The following TRPM6 variants were observed in gnomAD, a reference collection of about 807,000 sequenced individuals.
The protein encoded by TRPM6 is transient receptor potential cation channel subfamily M member 6, also known as channel kinase 2.
TRPM6 carries 111 observed loss-of-function variants against 247.6 expected under a neutral mutation model. The ratio of observed to expected loss-of-function variants is 0.45; its 90% CI spans 0.38 to 0.52. The LOEUF (loss-of-function observed/expected upper bound fraction) is 0.52. Among genes scored for constraint, TRPM6 ranks in the 20% least tolerant of loss-of-function variants. TRPM6 has a pLI of 0.00. For missense variants in TRPM6, 2,126 were observed against 2,421.5 expected, an observed-to-expected ratio of 0.88 and a Z score of 2.56; for synonymous variants, 892 against 853.8, an observed-to-expected ratio of 1.04 and a Z score of -0.78.
At chr9:74,753,610 C>T (rs368758666) in intron 28 of TRPM6, among the ~76,000 whole-genome samples, 3 of 152,148 alleles carry the variant, frequency 2.0e-5, no homozygotes, top group East Asian at 1.9e-4. Context: ...GTGGAAGGAT[C>T]GCTTGAGCCC....
At chr9:74,809,375 G>A (rs899765054) in intron 13 of TRPM6, among the ~76,000 whole-genome samples, 2 of 152,172 alleles carry the variant, frequency 1.3e-5, no homozygotes, top group African/African-American at 4.8e-5. Flanking sequence ...CACACAGAGT[G>A]TTGAACAAGG....
In TRPM6 at chr9:74,855,533, A is replaced by G. The variant is rs753591606; in HGVS notation, c.146T>C (p.Leu49Ser). The part of the protein sequence containing the change: ...CTPVCQVCQN[L>S]IRCYCGRLIG... ...TTGCTTATCTAAGTCTTACCTGATT[A>G]AATTCTGGCAGACTTGGCATACTGG... The change falls in exon 3 of 39, where the codon TTA (leucine) becomes TCA (serine). Residue 49 changes from leucine to serine, a missense_variant. This residue lies in a region of TRPM6 where 1,082 missense variants were observed against 1,307.9 expected (regional missense o/e 0.83). Coordinates refer to ENST00000360774, the MANE Select transcript of TRPM6 (RefSeq NM_017662.5). 53 of 1,608,076 alleles carry G rather than the reference A, an allele frequency of 3.3e-5. No individual in the cohort carries two copies. The South Asian group carries it at 4.5e-4, about 14-fold the overall frequency.
At chr9:74,770,693 C>A (rs1346430889) in intron 25 of TRPM6, among the ~76,000 whole-genome samples, 1 of 152,156 alleles carries the variant, frequency 6.6e-6, no homozygotes, top group Admixed American at 6.5e-5. Flanking sequence ...CTGTCCCGTT[C>A]CCCTGCTTCG....
chr9:74,824,931 AG>A (rs1829276460), intron 7 of TRPM6, among the ~76,000 whole-genome samples: 1 of 152,032 alleles, frequency 6.6e-6, no homozygotes, highest in South Asian at 2.1e-4. Context: ...GGTTTGCCAG[AG>A]TCACCAAGAA....
intron 1 of TRPM6, among the ~76,000 whole-genome samples, chr9:74,881,131 C>T (rs1000031399): frequency 6.6e-5 from 10 of 151,316 alleles, no homozygotes; most frequent in Admixed American, 6.0e-4. Flanking sequence ...CCCATCTCTA[C>T]AAAAAAATTT....
chr9:74,856,178 C>T (rs974215024), intron 2 of TRPM6, among the ~76,000 whole-genome samples: 40 of 152,076 alleles, frequency 2.6e-4, no homozygotes, highest in African/African-American at 8.9e-4. Flanking sequence ...GTGGCTTATG[C>T]CTGTAATCCC....
chr9:74,823,007 A>G (rs1829186649), intron 7 of TRPM6, among the ~76,000 whole-genome samples: 1 of 152,220 alleles, frequency 6.6e-6, no homozygotes, highest in African/African-American at 2.4e-5. Flanking sequence ...GACCTTGTCT[A>G]TTTATTCTGT....
At chr9:74,858,830 A>T in intron 1 of TRPM6, 82 bp from the exon 2 acceptor site, 1 of 1,115,386 alleles carries the variant, frequency 9.0e-7, no homozygotes, top group Non-Finnish European at 1.3e-6. Flanking sequence ...GGTAAGAAAT[A>T]CTCAAGTATC....
At chr9:74,733,444 T>C (rs1197641254) in intron 36 of TRPM6, among the ~76,000 whole-genome samples, 1 of 152,222 alleles carries the variant, frequency 6.6e-6, no homozygotes, top group African/African-American at 2.4e-5. Context: ...TGTTCACAGT[T>C]ACTGATAGTG....
At position 74,791,027 on chromosome 9, in the gene TRPM6, G is replaced by A. The variant is rs1375571746; in HGVS notation, c.2538+1597C>T. Among the ~76,000 whole-genome samples the A allele has an allele frequency of 2.0e-5, 3 of 152,136 alleles. No homozygotes were observed. In the East Asian group the frequency reaches 5.8e-4, roughly 29 times the overall value. ...TTCCAATTATTAAAAACACCATGGT[G>A]GGCAGATCTGGCTGGTTTTGTGCTA... On this transcript the variant is annotated intron_variant, in intron 19 of 38. Transcript: ENST00000360774.
intron 14 of TRPM6, chr9:74,804,645 GTGTCC>G: frequency 1.3e-6 from 1 of 747,954 alleles, no homozygotes; most frequent in South Asian, 1.4e-5. Context: ...AGGCATGAAG[GTGTCC>G]TCTGTGACTA....
At chr9:74,835,682 AGTT>A (rs1829699425) in intron 5 of TRPM6, among the ~76,000 whole-genome samples, 2 of 152,124 alleles carry the variant, frequency 1.3e-5, no homozygotes, top group African/African-American at 4.8e-5. Flanking sequence ...TGGCACTGAG[AGTT>A]TAAATAAATT....
At chr9:74,752,120 A>G (rs1030148850) in intron 29 of TRPM6, among the ~76,000 whole-genome samples, 157 bp downstream of exon 29, 1 of 152,228 alleles carries the variant, frequency 6.6e-6, no homozygotes, top group Non-Finnish European at 1.5e-5. Flanking sequence ...AAAAAATAGA[A>G]CAGAAATTCA....
chr9:74,793,792 T>C (rs923690592), intron 18 of TRPM6, among the ~76,000 whole-genome samples: 1 of 152,218 alleles, frequency 6.6e-6, no homozygotes. Flanking sequence ...CCTGCAACCA[T>C]GTGCAAGTAT....
chr9:74,852,813 A>G (rs2118307709), intron 3 of TRPM6, among the ~76,000 whole-genome samples: 1 of 152,182 alleles, frequency 6.6e-6, no homozygotes, highest in Non-Finnish European at 1.5e-5. Context: ...CCCAGGCTGG[A>G]GTGCAGTGGT....
In TRPM6 at chr9:74,800,407, C is replaced by T. The variant is rs951550692; in HGVS notation, c.2085G>A (p.Leu695=). ...KQNERMAMTL[L]TYELRNWSNS... is the part of the protein sequence containing the mutation. The stretch of plus-strand genomic sequence containing the variant: ...TGCTCCAGTTCCTGAGTTCATACGT[C>T]AACAGCGTCATGGCCATGCGCTCAT... Residue 695 remains leucine, a synonymous_variant, in exon 17 of 39, where the codon TTG becomes TTA. Coordinates refer to ENST00000360774, the MANE Select transcript of TRPM6 (RefSeq NM_017662.5). 2 of 1,614,054 alleles carry T rather than the reference C, an allele frequency of 1.2e-6. No homozygotes were observed. The highest frequency in any genetic ancestry group is 3.3e-4 in the Middle Eastern group (2 of 6,062).
Position 74,732,669 on chromosome 9 carries a change from A to C in TRPM6, c.5828+16T>G. 1 of 1,574,446 alleles carries C rather than the reference A, an allele frequency of 6.4e-7. No homozygotes were observed. On this transcript the variant is annotated intron_variant, in intron 37 of 38. Coordinates refer to ENST00000360774, the MANE Select transcript of TRPM6 (RefSeq NM_017662.5). ...TAAATGCAATTTTCTAAATGATAAC[A>C]CATAAATTAACTTACTGTTTGACTT...
At chr9:74,810,974 T>A (rs1398680975) in intron 12 of TRPM6, 106 bp from the exon 13 acceptor site, 2 of 880,202 alleles carry the variant, frequency 2.3e-6, no homozygotes, top group Non-Finnish European at 3.7e-6. Flanking sequence ...CTGAAAATTG[T>A]GTTCAATATT....
intron 19 of TRPM6, among the ~76,000 whole-genome samples, chr9:74,791,975 T>A (rs1203638275): frequency 6.6e-6 from 1 of 152,138 alleles, no homozygotes; most frequent in Non-Finnish European, 1.5e-5. Context: ...CCCAGGATGG[T>A]CTCAATCTCC....
Sources: gnomAD v4.1 joint callset for allele counts (sites outside exome capture counted in the v4.1 genomes callset) on GRCh38, gnomAD v4.1.1 for gene constraint, gnomAD v4.1.1 regional missense constraint, MANE v1.5 for transcripts, NCBI Gene and HGNC (gene_info 2026-07-23, HGNC 2026-07-21) for gene names.